Variants in TMEM163 observed in about 807,000 individuals in gnomAD.
TMEM163 encodes transmembrane protein 163.
TMEM163 carries 17 observed loss-of-function variants against 29.3 expected under a neutral mutation model. The ratio of observed to expected loss-of-function variants is 0.58; its 90% CI spans 0.40 to 0.87. The LOEUF (loss-of-function observed/expected upper bound fraction) is 0.87. Ranked by LOEUF, TMEM163 falls within the 40% of genes least tolerant of loss-of-function variation. TMEM163 has a pLI of 0.00. For synonymous variants in TMEM163, 157 were observed against 160.6 expected, an observed-to-expected ratio of 0.98 and a Z score of 0.17; for missense variants, 303 against 381.5, an observed-to-expected ratio of 0.79 and a Z score of 1.71.
chr2:134,533,053 C>T (rs569221542), intron 4 of TMEM163, among the ~76,000 whole-genome samples: 2 of 152,232 alleles, frequency 1.3e-5, no homozygotes, highest in South Asian at 2.1e-4. Flanking sequence ...GAAAAAAGTA[C>T]CCCACATCTC....
At chr2:134,658,107 T>G (rs546073654) in intron 2 of TMEM163, among the ~76,000 whole-genome samples, 1 of 152,344 alleles carries the variant, frequency 6.6e-6, no homozygotes, top group African/African-American at 2.4e-5. Flanking sequence ...TTATTGATTG[T>G]CAGGCTGGTC....
intron 5 of TMEM163, among the ~76,000 whole-genome samples, chr2:134,470,222 T>C (rs1686767318): frequency 6.6e-6 from 1 of 152,026 alleles, no homozygotes; most frequent in Non-Finnish European, 1.5e-5. Context: ...CTGGGCGCGG[T>C]GGCGGGCGCC....
intron 4 of TMEM163, among the ~76,000 whole-genome samples, chr2:134,508,466 G>A (rs554642834): frequency 6.6e-6 from 1 of 151,730 alleles, no homozygotes; most frequent in East Asian, 2.0e-4. Flanking sequence ...TCCTAATGCT[G>A]GTTTTCTCCA....
At chr2:134,693,732 G>T (rs10928512) in intron 2 of TMEM163, among the ~76,000 whole-genome samples, 57,292 of 151,832 alleles carry the variant, frequency 0.38, 14,571 homozygotes, top group Non-Finnish European at 0.57. Flanking sequence ...CAGATAGCAG[G>T]TCTACTATAT....
At chr2:134,701,466 C>G (rs1684702480) in intron 2 of TMEM163, among the ~76,000 whole-genome samples, 1 of 152,302 alleles carries the variant, frequency 6.6e-6, no homozygotes, top group African/African-American at 2.4e-5. Context: ...TCCAGAATCC[C>G]TCCCCAGCTC....
At chr2:134,482,404 A>G (rs1679213015) in intron 5 of TMEM163, among the ~76,000 whole-genome samples, 1 of 151,912 alleles carries the variant, frequency 6.6e-6, no homozygotes, top group South Asian at 2.1e-4. Flanking sequence ...AAAGACCAAC[A>G]CTTCCTTTTT....
intron 7 of TMEM163, among the ~76,000 whole-genome samples, chr2:134,457,362 AT>A (rs1686423452): frequency 6.6e-6 from 1 of 152,210 alleles, no homozygotes; most frequent in African/African-American, 2.4e-5. Flanking sequence ...ACCATCGTCC[AT>A]TCCCACAGCC....
At chr2:134,556,474 T>C (rs1015387851) in intron 2 of TMEM163, among the ~76,000 whole-genome samples, 1 of 152,210 alleles carries the variant, frequency 6.6e-6, no homozygotes. Context: ...GATTGAGGTA[T>C]GATTTATTCA....
At chr2:134,559,188 C>T (rs1681113392) in intron 2 of TMEM163, among the ~76,000 whole-genome samples, 1 of 152,112 alleles carries the variant, frequency 6.6e-6, no homozygotes, top group Non-Finnish European at 1.5e-5. Flanking sequence ...CTGGGGTACA[C>T]ACCTCTCCTG....
chr2:134,533,007 G>A (rs771151744), intron 4 of TMEM163, among the ~76,000 whole-genome samples: 1 of 152,114 alleles, frequency 6.6e-6, no homozygotes, highest in Non-Finnish European at 1.5e-5. Context: ...GACACACTAT[G>A]GACGTTTAAA....
rs149891959 is a variant in TMEM163, at chr2:134,540,864, T to C, written c.458+9706A>G. Among the ~76,000 whole-genome samples the C allele has an allele frequency of 9.5e-3, 1,448 of 152,346 alleles. 71 individuals are homozygous for C. The highest frequency in any genetic ancestry group is 0.085 in the Admixed American group (1,307 of 15,294). On this transcript the variant is annotated intron_variant, in intron 4 of 7. Transcript: ENST00000281924. ...ATGAAGAAATTCCATAGTTAAGTCTTTCCTTCTGCAATTCTTTATGAGCAC... is the reference window on the plus strand; with the variant it reads ...ATGAAGAAATTCCATAGTTAAGTCTCTCCTTCTGCAATTCTTTATGAGCAC...
rs1266635917 is a variant in TMEM163 at position 134,643,532 on chromosome 2, G to A, written c.322+69668C>T. On this transcript the variant is annotated intron_variant, in intron 2 of 7. Transcript: ENST00000281924. ...ACCAAAACCAAAGAAAGTATAAAAA[G>A]AGAAAACTACAGATCAATATTCTTC... Among the ~76,000 whole-genome samples the A allele has an allele frequency of 2.0e-5, 3 of 151,976 alleles. No homozygotes were observed. The South Asian group carries it at 6.2e-4, about 32-fold the overall frequency.
At chr2:134,605,828 GACA>G (rs1682343335) in intron 2 of TMEM163, among the ~76,000 whole-genome samples, 1 of 152,124 alleles carries the variant, frequency 6.6e-6, no homozygotes, top group Non-Finnish European at 1.5e-5. Flanking sequence ...AGGTAAAGAT[GACA>G]ACAATGTATT....
chr2:134,468,772 A>G (rs1436604895), intron 5 of TMEM163: 1 of 152,216 alleles, frequency 6.6e-6, no homozygotes, highest in Non-Finnish European at 1.5e-5. Flanking sequence ...CCTGAGATGC[A>G]GCTCAAGAAA....
At chr2:134,695,146 G>A (rs766973561) in intron 2 of TMEM163, among the ~76,000 whole-genome samples, 40 of 152,034 alleles carry the variant, frequency 2.6e-4, no homozygotes, top group Non-Finnish European at 4.9e-4. Context: ...GTTCAATCTC[G>A]GCTCACTGCA....
chr2:134,696,380 A>AT (rs2104887703), intron 2 of TMEM163, among the ~76,000 whole-genome samples: 1 of 152,298 alleles, frequency 6.6e-6, no homozygotes, highest in African/African-American at 2.4e-5. Context: ...TATCTTGACT[A>AT]TTCTTAGCCC....
In TMEM163 at chr2:134,718,808, G is replaced by A. The variant is rs935216358; in HGVS notation, c.128C>T (p.Pro43Leu). Residue 43 changes from proline (P) to leucine (L), a missense_variant, in exon 1 of 8, where the codon CCG becomes CTG. This residue lies in a region of TMEM163 where 100 missense variants were observed against 87.2 expected (regional missense o/e 1.15). Coordinates refer to ENST00000281924, the MANE Select transcript of TMEM163 (RefSeq NM_030923.5). Reference protein sequence around the residue: ...PAPLSSPVREPPQLEEERQVR... With the variant: ...PAPLSSPVRELPQLEEERQVR... ...CTGCCGCTCCTCCTCCAGCTGGGGC[G>A]GCTCGCGCACCGGGGAGCTCAGCGG... The A allele has an allele frequency of 1.8e-6, 2 of 1,141,588 alleles. No homozygotes were observed. The highest frequency in any genetic ancestry group is 1.1e-6 in the Non-Finnish European group (1 of 930,336). 70.7% of individuals were successfully genotyped at this position (1,141,588 alleles called of 1,614,324 possible).
At chr2:134,461,596 T>TCCAAAGCC (rs1686538319) in intron 6 of TMEM163, among the ~76,000 whole-genome samples, 2 of 152,068 alleles carry the variant, frequency 1.3e-5, no homozygotes, top group African/African-American at 4.8e-5. Flanking sequence ...TGACAACACA[T>TCCAAAGCC]CCAAAGCCAC....
chr2:134,594,602 A>C (rs1410258835), intron 2 of TMEM163, among the ~76,000 whole-genome samples: 2 of 152,264 alleles, frequency 1.3e-5, no homozygotes, highest in Non-Finnish European at 2.9e-5. Context: ...CTGAGAGCCC[A>C]GGATGCGGCA....
Sources: gnomAD v4.1 joint callset for allele counts (sites outside exome capture counted in the v4.1 genomes callset) on GRCh38, gnomAD v4.1.1 for gene constraint, gnomAD v4.1.1 regional missense constraint, MANE v1.5 for transcripts, NCBI Gene and HGNC (gene_info 2026-07-23, HGNC 2026-07-21) for gene names.